Variants in PTPRD observed in about 807,000 individuals in gnomAD.
The protein encoded by PTPRD is receptor-type tyrosine-protein phosphatase delta.
Under a neutral mutation model 214.5 loss-of-function variants are expected in PTPRD, and 34 were observed. The ratio of observed to expected loss-of-function variants is 0.16; its 90% CI spans 0.12 to 0.21. The LOEUF (loss-of-function observed/expected upper bound fraction) is 0.21. Among genes scored for constraint, PTPRD ranks in the 10% least tolerant of loss-of-function variants. The pLI is 1.00. For synonymous variants in PTPRD, 1,128 were observed against 845.7 expected (o/e 1.33, Z -5.79); for missense variants, 2,545 against 2,398.7 (o/e 1.06, Z -1.27).
At chr9:9,507,388 A>C (rs1055224286) in intron 8 of PTPRD, among the ~76,000 whole-genome samples, 3 of 151,204 alleles carry the variant, frequency 2.0e-5, no homozygotes, top group African/African-American at 7.3e-5. Context: ...GGATTGTCTG[A>C]ATTGTATACA....
chr9:10,372,758 C>T (rs1465042737), intron 2 of PTPRD, among the ~76,000 whole-genome samples: 1 of 151,720 alleles, frequency 6.6e-6, no homozygotes, highest in African/African-American at 2.4e-5. Context: ...TTTATATGCA[C>T]AAAATCTCAT....
At chr9:9,900,478 A>G (rs979494579) in intron 5 of PTPRD, among the ~76,000 whole-genome samples, 1 of 152,118 alleles carries the variant, frequency 6.6e-6, no homozygotes, top group African/African-American at 2.4e-5. Context: ...AGTCTTCATC[A>G]GCCTTACCTT....
chr9:9,705,103 C>T (rs1369887993), intron 7 of PTPRD, among the ~76,000 whole-genome samples: 7 of 152,158 alleles, frequency 4.6e-5, no homozygotes, highest in Non-Finnish European at 8.8e-5. Flanking sequence ...CTACACAGAG[C>T]ACTTCACGTG....
chr9:8,628,007 T>C (rs1028079202), intron 14 of PTPRD, among the ~76,000 whole-genome samples: 10 of 151,884 alleles, frequency 6.6e-5, no homozygotes, highest in Non-Finnish European at 1.2e-4. Flanking sequence ...TTTCAAGTAA[T>C]CTTCAGTCAG....
intron 14 of PTPRD, among the ~76,000 whole-genome samples, chr9:8,626,522 T>A (rs1479503425): frequency 6.6e-6 from 1 of 151,866 alleles, no homozygotes; most frequent in Non-Finnish European, 1.5e-5. Context: ...TGCTCAAATA[T>A]TTGGTCAAAT....
chr9:10,032,808 T>G (rs1203714266), intron 4 of PTPRD, among the ~76,000 whole-genome samples: 2 of 152,064 alleles, frequency 1.3e-5, no homozygotes, highest in Non-Finnish European at 1.5e-5. Context: ...ACTTTTTTGT[T>G]ATATCTTTTT....
At chr9:8,591,894 T>C (rs1268221288) in intron 14 of PTPRD, among the ~76,000 whole-genome samples, 2 of 152,152 alleles carry the variant, frequency 1.3e-5, no homozygotes, top group Non-Finnish European at 2.9e-5. Context: ...ATAAGTTTAA[T>C]TCCCTTCCTT....
intron 11 of PTPRD, among the ~76,000 whole-genome samples, chr9:8,779,218 C>A (rs924416339): frequency 6.6e-6 from 1 of 152,136 alleles, no homozygotes; most frequent in African/African-American, 2.4e-5. Context: ...TAAAGAACAA[C>A]AAGAATCTGT....
chr9:9,217,206 T>C (rs1480922227), intron 9 of PTPRD, among the ~76,000 whole-genome samples: 2 of 152,142 alleles, frequency 1.3e-5, no homozygotes, highest in Non-Finnish European at 2.9e-5. Context: ...TTGGGGATCC[T>C]GGATAGGCAA....
chr9:9,029,831 G>T lies in PTPRD; in HGVS notation c.-142-11096C>A, dbSNP rs373735507. 1.1e-4 allele frequency among the ~76,000 whole-genome samples: 17 copies of T among 151,990 alleles called. No homozygotes were observed. In the South Asian group the frequency reaches 3.3e-3, roughly 30 times the overall value. On this transcript the variant is annotated intron_variant, in intron 10 of 45. Transcript: ENST00000381196. ...AGGAGAAAATGTACTTAAGACTTCG[G>T]TAAAATGGATGTGGAGATCAGGGGA...
intron 4 of PTPRD, among the ~76,000 whole-genome samples, chr9:9,943,213 G>C (rs2091935906): frequency 6.6e-6 from 1 of 152,082 alleles, no homozygotes; most frequent in African/African-American, 2.4e-5. Flanking sequence ...ATCCTAATAG[G>C]CAGGATTCAT....
chr9:9,375,240 C>T (rs559206304), intron 9 of PTPRD, among the ~76,000 whole-genome samples: 2 of 152,188 alleles, frequency 1.3e-5, no homozygotes, highest in Non-Finnish European at 2.9e-5. Context: ...TGTGGATAAT[C>T]CACCAATGAA....
chr9:9,592,166 T>G (rs1369431039), intron 7 of PTPRD, among the ~76,000 whole-genome samples: 1 of 152,130 alleles, frequency 6.6e-6, no homozygotes, highest in African/African-American at 2.4e-5. Context: ...GAGAATCATT[T>G]TCTTCACTAA....
chr9:8,663,148 T>C (rs770331068), intron 12 of PTPRD, among the ~76,000 whole-genome samples: 2 of 152,136 alleles, frequency 1.3e-5, no homozygotes, highest in Non-Finnish European at 2.9e-5. Flanking sequence ...ACTGGTCTTT[T>C]GATTGAAAGC....
At chr9:9,955,683 C>T (rs543107195) in intron 4 of PTPRD, among the ~76,000 whole-genome samples, 1 of 152,080 alleles carries the variant, frequency 6.6e-6, no homozygotes, top group African/African-American at 2.4e-5. Context: ...GCCACCATGC[C>T]CGACTAATTT....
chr9:9,514,899 G>T (rs760287296), intron 8 of PTPRD, among the ~76,000 whole-genome samples: 36 of 152,062 alleles, frequency 2.4e-4, no homozygotes, highest in Non-Finnish European at 2.4e-4. Flanking sequence ...ATTGCTCTGT[G>T]TCATACCTAA....
At chr9:10,388,637 A>T (rs2097978803) in intron 2 of PTPRD, among the ~76,000 whole-genome samples, 1 of 151,898 alleles carries the variant, frequency 6.6e-6, no homozygotes, top group South Asian at 2.1e-4. Context: ...TGACAAAAGG[A>T]AGGCAGAGGC....
chr9:10,041,158 G>C (rs1281916225), intron 3 of PTPRD, among the ~76,000 whole-genome samples: 2 of 151,984 alleles, frequency 1.3e-5, no homozygotes, highest in Non-Finnish European at 2.9e-5. Flanking sequence ...AAAGAAAACA[G>C]CTTTTAAATA....
intron 3 of PTPRD, among the ~76,000 whole-genome samples, chr9:10,120,119 C>T (rs536048274): frequency 2.6e-5 from 4 of 152,094 alleles, no homozygotes; most frequent in African/African-American, 9.6e-5. Context: ...CAAAATAAAA[C>T]TGACATTTGG....
Sources: gnomAD v4.1 joint callset for allele counts (sites outside exome capture counted in the v4.1 genomes callset) on GRCh38, gnomAD v4.1.1 for gene constraint, MANE v1.5 for transcripts, NCBI Gene and HGNC (gene_info 2026-07-23, HGNC 2026-07-21) for gene names.